DNAH5: variants seen among roughly 807,000 people sequenced by gnomAD.
DNAH5 encodes the protein dynein axonemal heavy chain 5.
Under a neutral mutation model 518.2 loss-of-function variants are expected in DNAH5, and 372 were observed. The ratio of observed to expected loss-of-function variants is 0.72; its 90% CI spans 0.66 to 0.78. The LOEUF is 0.78. Among genes scored for constraint, DNAH5 ranks in the 30% least tolerant of loss-of-function variants. DNAH5 has a pLI of 0.00. For missense variants in DNAH5, 5,523 were observed against 5,687.0 expected (o/e 0.97, Z 0.93); for synonymous variants, 2,039 against 2,025.9 (o/e 1.01, Z -0.17).
In DNAH5 at chr5:13,807,648, T is replaced by A; in HGVS notation, c.7830A>T (p.Glu2610Asp). The A allele has an allele frequency of 1.2e-6, 2 of 1,612,102 alleles. No individual in the cohort carries two copies. Among genetic ancestry groups the A allele is most frequent in the South Asian group, 2.2e-5 (2 of 90,846 alleles). ...IKGFMSKYDP[E>D]CHMIKSLNFS... is the part of the protein sequence containing the mutation. The stretch of plus-strand genomic sequence containing the variant: ...AATTCAGACTCTTGATCATGTGACA[T>A]TCAGGATCATATTTTGACATAAATC... The change falls in exon 47 of 79, where the codon GAA becomes GAT. Residue 2610 changes from glutamate to aspartate, a missense_variant. Physicochemically the swap from Glu to Asp is conservative, Grantham distance 45. Around this residue, in one of 3 missense-constraint regions of DNAH5, gnomAD observed 5,121 missense variants for 5,223.3 expected, o/e 0.98. Transcript: ENST00000265104.
At chr5:13,740,715 GTCAGGTCTGT>G (rs1748382853) in intron 65 of DNAH5, among the ~76,000 whole-genome samples, 1 of 152,124 alleles carries the variant, frequency 6.6e-6, no homozygotes, top group African/African-American at 2.4e-5. Flanking sequence ...CTGCTGCTCT[GTCAGGTCTGT>G]TCTTCCAAAT....
intron 1 of DNAH5, among the ~76,000 whole-genome samples, chr5:13,959,824 A>G (rs1268774922): frequency 6.6e-6 from 1 of 152,098 alleles, no homozygotes; most frequent in Non-Finnish European, 1.5e-5. Flanking sequence ...AAAATTAGCC[A>G]GGCGTGGTGA....
intron 1 of DNAH5, among the ~76,000 whole-genome samples, chr5:13,937,022 G>T (rs901091075): frequency 6.6e-6 from 1 of 151,904 alleles, no homozygotes; most frequent in Non-Finnish European, 1.5e-5. Context: ...TGGTTTAATT[G>T]TCACAAAATC....
At chr5:13,838,617 C>T (rs917927918) in intron 35 of DNAH5, among the ~76,000 whole-genome samples, 21 of 152,156 alleles carry the variant, frequency 1.4e-4, no homozygotes, top group African/African-American at 4.1e-4. Context: ...AAAACACACT[C>T]GGGGCTCTCA....
In DNAH5 at chr5:13,911,412, A is replaced by T; in HGVS notation, c.1618T>A (p.Phe540Ile). 2.5e-6 allele frequency: 4 copies of T among 1,612,972 alleles called. No homozygotes were observed. The highest frequency in any genetic ancestry group is 3.4e-6 in the Non-Finnish European group (4 of 1,179,728). ...TGAAGGTCATTAGTCTGCTTGCAAA[A>T]CTCTTCGTAATCTTGGTCAAAATCC... Reference protein sequence around the residue: ...KMDFDQDYEEFCKQTNDLHNE... With the variant: ...KMDFDQDYEEICKQTNDLHNE... Residue 540 changes from phenylalanine to isoleucine, a missense_variant, in exon 12 of 79, where the codon TTT (phenylalanine) becomes ATT (isoleucine). Physicochemically the swap from Phe to Ile is conservative, Grantham distance 21. Coordinates refer to ENST00000265104, the MANE Select transcript of DNAH5 (RefSeq NM_001369.3).
intron 22 of DNAH5, among the ~76,000 whole-genome samples, chr5:13,874,596 C>A (rs1770606444): frequency 6.6e-6 from 1 of 152,170 alleles, no homozygotes; most frequent in Admixed American, 6.5e-5. Context: ...CAGCTCACTG[C>A]AACCTCTGCC....
intron 5 of DNAH5, among the ~76,000 whole-genome samples, chr5:13,920,922 C>A (rs1397973647): frequency 1.3e-5 from 2 of 151,976 alleles, no homozygotes; most frequent in Admixed American, 1.3e-4. Context: ...ACTTTTATTG[C>A]AATATGAAGT....
intron 68 of DNAH5, 54 bp from the exon 69 acceptor site, chr5:13,729,614 T>C (rs1746221722): frequency 2.1e-6 from 3 of 1,459,356 alleles, no homozygotes; most frequent in Non-Finnish European, 2.8e-6. Context: ...TATAAAACAA[T>C]CTATTTAGTA....
intron 39 of DNAH5, 63 bp from the exon 40 acceptor site, chr5:13,823,433 A>T (rs1580429317): frequency 9.2e-7 from 1 of 1,091,874 alleles, no homozygotes. Flanking sequence ...ATATGCAGAT[A>T]AACTGGAAAT....
chr5:13,718,103 T>C (rs1472625218), intron 72 of DNAH5, among the ~76,000 whole-genome samples: 1 of 152,176 alleles, frequency 6.6e-6, no homozygotes, highest in Non-Finnish European at 1.5e-5. Flanking sequence ...AATTTGGGCC[T>C]TGTTAGCAAC....
At chr5:13,914,013 A>G (rs1359703230) in intron 10 of DNAH5, 55 bp from the exon 11 acceptor site, 41 of 1,581,096 alleles carry the variant, frequency 2.6e-5, no homozygotes, top group Admixed American at 5.4e-5. Flanking sequence ...TATCAACTTT[A>G]TTTTCTTAAG....
intron 1 of DNAH5, among the ~76,000 whole-genome samples, chr5:13,954,403 A>G (rs1780629060): frequency 6.6e-6 from 1 of 152,234 alleles, no homozygotes. Context: ...ACCCTTTTAT[A>G]TGCAATAAGG....
chr5:13,741,460 T>G (rs1029815109), intron 65 of DNAH5, among the ~76,000 whole-genome samples: 3 of 152,340 alleles, frequency 2.0e-5, no homozygotes, highest in Admixed American at 1.3e-4. Context: ...TGGTTACAGA[T>G]GAAAGCTCCC....
intron 30 of DNAH5, among the ~76,000 whole-genome samples, chr5:13,851,954 A>T (rs373694590): frequency 6.6e-6 from 1 of 151,780 alleles, no homozygotes; most frequent in Non-Finnish European, 1.5e-5. Context: ...GCGTTGCCTC[A>T]CCTGAGAAGT....
At chr5:13,988,287 G>A (rs533168597) in intron 1 of DNAH5, among the ~76,000 whole-genome samples, 2 of 152,284 alleles carry the variant, frequency 1.3e-5, no homozygotes, top group South Asian at 4.2e-4. Flanking sequence ...TGTCCCTTTG[G>A]TCTCCCATTC....
At chr5:13,818,999 A>C (rs1397911922) in intron 41 of DNAH5, among the ~76,000 whole-genome samples, 1 of 152,242 alleles carries the variant, frequency 6.6e-6, no homozygotes, top group East Asian at 1.9e-4. Context: ...CTTCTTTGCA[A>C]GGAACTTCTC....
chr5:13,715,390 A>C (rs1744154553), intron 74 of DNAH5, among the ~76,000 whole-genome samples: 1 of 152,212 alleles, frequency 6.6e-6, no homozygotes, highest in Non-Finnish European at 1.5e-5. Flanking sequence ...ATATATAAAA[A>C]TATATGTACA....
chr5:13,833,131 C>CAAAAAA (rs57578159), intron 35 of DNAH5, among the ~76,000 whole-genome samples: 9 of 140,240 alleles, frequency 6.4e-5, no homozygotes, highest in Admixed American at 7.1e-5. Context: ...ATGTGTTATC[C>CAAAAAA]AAAAAAAAAA....
At chr5:13,984,805 G>A (rs1243448503) in intron 1 of DNAH5, among the ~76,000 whole-genome samples, 1 of 152,094 alleles carries the variant, frequency 6.6e-6, no homozygotes, top group Non-Finnish European at 1.5e-5. Context: ...TTTTGTCTTT[G>A]GTTCTGTATT....
Sources: allele counts gnomAD v4.1 joint callset (sites outside exome capture counted in the v4.1 genomes callset), GRCh38; gene constraint gnomAD v4.1.1; regional missense constraint gnomAD v4.1.1; transcripts MANE v1.5; gene names NCBI Gene and HGNC (gene_info 2026-07-23, HGNC 2026-07-21).